The following SLC43A3 variants were observed in gnomAD, a reference collection of about 807,000 sequenced individuals.
SLC43A3 encodes the protein equilibrative nucleobase transporter 1.
SLC43A3 carries 33 observed loss-of-function variants against 53.3 expected under a neutral mutation model. The ratio of observed to expected loss-of-function variants is 0.62; its 90% CI spans 0.47 to 0.83. The LOEUF (loss-of-function observed/expected upper bound fraction) is 0.83, where lower values mean the gene tolerates loss of function less well. SLC43A3 is among the 40% of genes least tolerant of loss of function. The probability of loss-of-function intolerance (pLI) is 0.00; values close to 1 mark genes in which losing one functional copy is unlikely to be tolerated. For synonymous variants in SLC43A3, 236 were observed against 246.2 expected, an observed-to-expected ratio of 0.96 and a Z score of 0.39; for missense variants, 530 against 610.0, an observed-to-expected ratio of 0.87 and a Z score of 1.38.
At chr11:57,411,129 G>A (rs1942440098) in intron 11 of SLC43A3, among the ~76,000 whole-genome samples, 1 of 152,186 alleles carries the variant, frequency 6.6e-6, no homozygotes, top group Middle Eastern at 3.4e-3. Flanking sequence ...AAGAGGAAAA[G>A]GGGTACAAGA....
intron 7 of SLC43A3, among the ~76,000 whole-genome samples, chr11:57,420,017 C>T (rs746779263): frequency 2.6e-5 from 4 of 152,208 alleles, no homozygotes; most frequent in Non-Finnish European, 4.4e-5. Flanking sequence ...ATCCTCTTCT[C>T]TGCCCCCATA....
chr11:57,416,569 T>G lies in SLC43A3; in HGVS notation c.769+4A>C. ...GGAGAGATGGGTTAGCCAGCAGGGC[T>G]CACCTTCCTTCGCTGAAAGGAACTC... On this transcript the variant is annotated splice_donor_region_variant and intron_variant, in intron 9 of 13. Transcript: ENST00000395124. 6.2e-7 allele frequency: 1 copy of G among 1,612,286 alleles called. No homozygotes were observed. The highest frequency in any genetic ancestry group is 2.2e-5 in the East Asian group (1 of 44,866).
Position 57,426,337 on chromosome 11 carries a change from G to C in SLC43A3, c.-165C>G. The stretch of plus-strand genomic sequence containing the variant: ...CAGGCCTGGGCAAAAACCATCAGCG[G>C]GTGATTCTCTGGATCCTGTAGAATA... On this transcript the variant is annotated 5_prime_UTR_variant, in exon 3 of 14. Transcript: ENST00000395124. The C allele has an allele frequency of 1.6e-6, 1 of 626,078 alleles. No homozygotes were observed. The highest frequency in any genetic ancestry group is 1.8e-5 in the African/African-American group (1 of 54,432). The allele number at this position is 626,078 out of a possible 1,614,324, so 38.8% of individuals were successfully genotyped here. A position where few individuals can be genotyped will look rare whatever the true frequency, so the allele number is the denominator to read the frequency against.
chr11:57,421,393 G>C lies in SLC43A3; in HGVS notation c.362-20C>G, dbSNP rs757240298. ...CTGAGCCTGGACCATCAAAGTCAGAGGTAGGGTGGTGTCATAGTGCAACCC... is the reference window on the plus strand; with the variant it reads ...CTGAGCCTGGACCATCAAAGTCAGACGTAGGGTGGTGTCATAGTGCAACCC... On this transcript the variant is annotated intron_variant, in intron 5 of 13. Transcript: ENST00000395124. 2 of 1,605,406 alleles carry C rather than the reference G, an allele frequency of 1.2e-6. No homozygotes were observed. Among genetic ancestry groups the C allele is most frequent in the Non-Finnish European group, 1.7e-6 (2 of 1,173,210 alleles).
Position 57,414,919 on chromosome 11 carries a change from G to A in SLC43A3, c.943+14C>T, listed in dbSNP as rs1264087896. 5 of 1,611,374 alleles carry A rather than the reference G, an allele frequency of 3.1e-6. No homozygotes were observed. Among genetic ancestry groups the A allele is most frequent in the Non-Finnish European group, 4.2e-6 (5 of 1,179,968 alleles). On this transcript the variant is annotated intron_variant, in intron 10 of 13. Coordinates refer to ENST00000395124, the MANE Select transcript of SLC43A3 (RefSeq NM_199329.3). ...GGACATGCAGATGGGCTACCTCCCA[G>A]CCCTACCACATACCTCGTGCCATGT...
intron 11 of SLC43A3, among the ~76,000 whole-genome samples, chr11:57,412,467 A>G (rs1373952156): frequency 1.3e-5 from 2 of 152,240 alleles, no homozygotes; most frequent in African/African-American, 2.4e-5. Flanking sequence ...CAAAATAGTA[A>G]GGAATGTTTT....
Position 57,416,608 on chromosome 11 carries a change from T to G in SLC43A3, c.734A>C (p.Glu245Ala). 6.2e-7 allele frequency: 1 copy of G among 1,614,088 alleles called. No homozygotes were observed. The highest frequency in any genetic ancestry group is 8.5e-7 in the Non-Finnish European group (1 of 1,180,002). ...TGAAAGGAACTCCTTTGACTGTAGC[T>G]CCCTGTTTTCATGCTCAGCTGTTTC... ...EKETAEHENR[E>A]LQSKEFLSAK... The change falls in exon 9 of 14, where the codon GAG becomes GCG. Residue 245 changes from glutamate (E) to alanine (A), a missense_variant. Physicochemically the swap from Glu to Ala is moderately radical, Grantham distance 107. Around this residue, in one of 3 missense-constraint regions of SLC43A3, gnomAD observed 376 missense variants for 386.7 expected, o/e 0.97. Coordinates refer to ENST00000395124, the MANE Select transcript of SLC43A3 (RefSeq NM_199329.3).
rs945847084 is a variant in SLC43A3, at chr11:57,407,900, C to T, written c.1372-4G>A. 4 of 1,591,658 alleles carry T rather than the reference C, an allele frequency of 2.5e-6. No homozygotes were observed. The African/African-American group carries it at 5.4e-5, about 21-fold the overall frequency. ...CAAGCATGAACATCACATTCACCTG[C>T]AGGGAGAGCAGAAGTGAGGTGAAAT... On this transcript the variant is annotated splice_region_variant and splice_polypyrimidine_tract_variant and intron_variant, in intron 13 of 13. Transcript: ENST00000395124.
Position 57,409,275 on chromosome 11 carries a change from T to C in SLC43A3, c.1271A>G (p.Lys424Arg), listed in dbSNP as rs202193567. 6.2e-7 allele frequency: 1 copy of C among 1,614,156 alleles called. No homozygotes were observed. The highest frequency in any genetic ancestry group is 2.2e-5 in the East Asian group (1 of 44,868). Residue 424 changes from lysine to arginine, a missense_variant, in exon 13 of 14, where the codon AAG (lysine) becomes AGG (arginine). By Grantham distance (26) the Lys-to-Arg change is conservative. Around this residue, in one of 3 missense-constraint regions of SLC43A3, gnomAD observed 124 missense variants for 166.4 expected, o/e 0.75. Coordinates refer to ENST00000395124, the MANE Select transcript of SLC43A3 (RefSeq NM_199329.3). ...TLAFPSEHFG[K>R]LFGLVMALSA... Reference sequence around the variant, plus strand: ...CAAGGCCATCACCAGCCCAAAGAGCTTGCCAAAGTGCTCTGAAGGGAAACT... The same window carrying C: ...CAAGGCCATCACCAGCCCAAAGAGCCTGCCAAAGTGCTCTGAAGGGAAACT...
At chr11:57,408,739 G>GT (rs1288935347) in intron 13 of SLC43A3, 1 of 166,750 alleles carries the variant, frequency 6.0e-6, no homozygotes, top group Non-Finnish European at 1.3e-5. Flanking sequence ...CTCTGAACAC[G>GT]TAAGTAACCT....
Position 57,415,282 on chromosome 11 carries a change from G to A in SLC43A3, c.770-176C>T, listed in dbSNP as rs1345461690. On this transcript the variant is annotated intron_variant, in intron 9 of 13. Transcript: ENST00000395124. ...CGGACTCACACATCCCCACCTCCCT[G>A]CTTTGTCATGCTGGCCCTACCACCT... is the stretch of plus-strand genomic sequence containing the variant. The A allele has an allele frequency of 3.9e-6, 6 of 1,530,716 alleles. No individual in the cohort carries two copies. The African/African-American group carries it at 6.9e-5, about 17-fold the overall frequency. The allele number at this position is 1,530,716 out of a possible 1,614,324, so 94.8% of individuals were successfully genotyped here.
chr11:57,412,335 T>C (rs985887275), intron 11 of SLC43A3, among the ~76,000 whole-genome samples: 1 of 152,194 alleles, frequency 6.6e-6, no homozygotes, highest in African/African-American at 2.4e-5. Flanking sequence ...ATGTCAAATA[T>C]ATTTTAAAAT....
In SLC43A3 at chr11:57,415,527, G is replaced by T. The variant is rs1164725396; in HGVS notation, c.770-421C>A. 8.3e-6 allele frequency: 5 copies of T among 603,348 alleles called. No individual in the cohort carries two copies. In the East Asian group the frequency reaches 3.4e-4, roughly 41 times the overall value. The allele number at this position is 603,348 out of a possible 1,614,324, so 37.4% of individuals were successfully genotyped here. The stretch of plus-strand genomic sequence containing the variant: ...CCCTTTCTTTTGATACCAGTATCCT[G>T]AGTTTCTTTGGGAAATCTTCCTCTA... On this transcript the variant is annotated intron_variant, in intron 9 of 13. Transcript: ENST00000395124.
intron 7 of SLC43A3, among the ~76,000 whole-genome samples, chr11:57,419,835 T>C (rs570192027): frequency 2.0e-4 from 29 of 148,594 alleles, no homozygotes; most frequent in Admixed American, 1.2e-3. Context: ...GAAAGAAAGA[T>C]GAGGCAGCCA....
Position 57,426,322 on chromosome 11 carries a change from C to G in SLC43A3, c.-150G>C, listed in dbSNP as rs12420590. On this transcript the variant is annotated 5_prime_UTR_variant, in exon 3 of 14. Coordinates refer to ENST00000395124, the MANE Select transcript of SLC43A3 (RefSeq NM_199329.3). ...GCTCTCTGGTTGTTTCAGGCCTGGG[C>G]AAAAACCATCAGCGGGTGATTCTCT... is the stretch of plus-strand genomic sequence containing the variant. 109,459 of 660,718 alleles carry G rather than the reference C, an allele frequency of 0.17. 10,392 individuals carry two copies. Among genetic ancestry groups the G allele is most frequent in the East Asian group, 0.32 (11,781 of 36,676 alleles). 40.9% of individuals were successfully genotyped at this position (660,718 alleles called of 1,614,324 possible). A position where few individuals can be genotyped will look rare whatever the true frequency, so the allele number is the denominator to read the frequency against.
rs11417407 is a variant in SLC43A3 at position 57,419,801 on chromosome 11, TA to T, written c.531+1170del. Among the ~76,000 whole-genome samples, 88 of 71,294 alleles carry T rather than the reference TA, an allele frequency of 1.2e-3. 1 individual carries two copies. The highest frequency in any genetic ancestry group is 2.0e-3 in the African/African-American group (58 of 28,470). The allele number at this position is 71,294 out of a possible 152,430, so 46.8% of individuals were successfully genotyped here. A position where few individuals can be genotyped will look rare whatever the true frequency, so the allele number is the denominator to read the frequency against. On this transcript the variant is annotated intron_variant, in intron 7 of 13. Transcript: ENST00000395124. ...ACAAAGTGAGACTCCAACTCAATAA[TA>T]AAAAAAAAAAAAAAAGAGAGAGGAA...
At chr11:57,414,224 G>T (rs1488190931) in intron 11 of SLC43A3, among the ~76,000 whole-genome samples, 1 of 152,184 alleles carries the variant, frequency 6.6e-6, no homozygotes, top group Non-Finnish European at 1.5e-5. Flanking sequence ...AAGAACAAAA[G>T]AGAAGACCAG....
chr11:57,409,259 C>G lies in SLC43A3; in HGVS notation c.1287G>C (p.Val429=), dbSNP rs541887281. 9.4e-5 allele frequency: 151 copies of G among 1,614,208 alleles called. 1 individual carries two copies. In the South Asian group the frequency reaches 1.5e-3, roughly 16 times the overall value. ...SEHFGKLFGL[V]MALSAVVSLL... ...GAGACACCACAGCCGACAAGGCCAT[C>G]ACCAGCCCAAAGAGCTTGCCAAAGT... Residue 429 remains valine (V), a synonymous_variant, in exon 13 of 14, where the codon GTG becomes GTC. Transcript: ENST00000395124.
intron 7 of SLC43A3, among the ~76,000 whole-genome samples, chr11:57,419,395 C>A (rs1942879400): frequency 6.6e-6 from 1 of 152,154 alleles, no homozygotes. Context: ...ACGTTGAGGT[C>A]CAGAGAGGTG....
Sources: gnomAD v4.1 joint callset for allele counts (sites outside exome capture counted in the v4.1 genomes callset) on GRCh38, gnomAD v4.1.1 for gene constraint, gnomAD v4.1.1 regional missense constraint, MANE v1.5 for transcripts, NCBI Gene and HGNC (gene_info 2026-07-23, HGNC 2026-07-21) for gene names.